The following MYSM1 variants were observed in gnomAD, a reference collection of about 807,000 sequenced individuals.
MYSM1 encodes deubiquitinase MYSM1.
Under a neutral mutation model 116.0 loss-of-function variants are expected in MYSM1, and 51 were observed. The observed-to-expected ratio is 0.44, with a 90% confidence interval of 0.35 to 0.56. The LOEUF is 0.56. MYSM1 is among the 20% of genes least tolerant of loss of function. The probability of loss-of-function intolerance (pLI) is 0.00; values close to 1 mark genes in which losing one functional copy is unlikely to be tolerated. For missense variants in MYSM1, 900 were observed against 974.9 expected (o/e 0.92, Z 1.02); for synonymous variants, 313 against 315.2 (o/e 0.99, Z 0.07).
At chr1:58,668,009 G>T (rs1644501466) in intron 14 of MYSM1, 88 bp from the exon 15 acceptor site, 1 of 897,526 alleles carries the variant, frequency 1.1e-6, no homozygotes, top group South Asian at 1.3e-5. Context: ...AAAGTCATTT[G>T]TAAGTATAGC....
At chr1:58,690,598 C>A (rs1443982234) in intron 3 of MYSM1, among the ~76,000 whole-genome samples, 181 bp from the exon 4 acceptor site, 1 of 152,092 alleles carries the variant, frequency 6.6e-6, no homozygotes, top group Non-Finnish European at 1.5e-5. Flanking sequence ...TGCCTGCAGG[C>A]TACATGTGGC....
intron 6 of MYSM1, among the ~76,000 whole-genome samples, chr1:58,688,419 A>G (rs1040502142): frequency 1.3e-5 from 2 of 150,586 alleles, no homozygotes; most frequent in Admixed American, 1.3e-4. Flanking sequence ...TAGTAAAAAA[A>G]TTAAAAAAAA....
intron 2 of MYSM1, among the ~76,000 whole-genome samples, chr1:58,693,326 T>C (rs980803282): frequency 2.0e-5 from 3 of 152,170 alleles, no homozygotes; most frequent in African/African-American, 7.2e-5. Flanking sequence ...ATCTCCATGA[T>C]CCTACTCATT....
At chr1:58,685,370 G>T in intron 6 of MYSM1, 119 bp from the exon 7 acceptor site, 1 of 639,992 alleles carries the variant, frequency 1.6e-6, no homozygotes. Flanking sequence ...ATTTTCTGAA[G>T]CACACAATAA....
chr1:58,673,425 T>C, intron 11 of MYSM1, 148 bp downstream of exon 11: 1 of 632,468 alleles, frequency 1.6e-6, no homozygotes, highest in Non-Finnish European at 2.7e-6. Context: ...CTTTGGTGTT[T>C]ACTGGTGACT....
In MYSM1 at chr1:58,692,945, G is replaced by A; in HGVS notation, c.148-14C>T. On this transcript the variant is annotated splice_polypyrimidine_tract_variant and intron_variant, in intron 2 of 19. Coordinates refer to ENST00000472487, the MANE Select transcript of MYSM1 (RefSeq NM_001085487.3). ...CAAGGTCCAAGGCTATTAAAAAAGA[G>A]AATATATTTGTCTTTTTATTTATTG... 1 of 1,572,264 alleles carries A rather than the reference G, an allele frequency of 6.4e-7. No homozygotes were observed. Among genetic ancestry groups the A allele is most frequent in the Non-Finnish European group, 8.6e-7 (1 of 1,158,406 alleles).
chr1:58,688,965 A>T, intron 6 of MYSM1, 73 bp downstream of exon 6: 1 of 1,348,542 alleles, frequency 7.4e-7, no homozygotes, highest in Non-Finnish European at 1.0e-6. Context: ...CTATAAATTA[A>T]TTTAACCTTA....
At chr1:58,662,539 G>A (rs866057258) in intron 17 of MYSM1, among the ~76,000 whole-genome samples, 2 of 150,116 alleles carry the variant, frequency 1.3e-5, no homozygotes, top group African/African-American at 4.9e-5. Context: ...GGCATTGGCA[G>A]GATTTGAACC....
At chr1:58,671,375 TC>T (rs1644558380) in intron 12 of MYSM1, among the ~76,000 whole-genome samples, 1 of 152,184 alleles carries the variant, frequency 6.6e-6, no homozygotes, top group Admixed American at 6.5e-5. Flanking sequence ...CTGGATATCT[TC>T]TTTTAAAAGG....
At chr1:58,684,565 AAAAAAAAAAAAAAAG>A (rs1483258828) in intron 7 of MYSM1, among the ~76,000 whole-genome samples, 2 of 134,812 alleles carry the variant, frequency 1.5e-5, no homozygotes, top group Non-Finnish European at 3.1e-5. Flanking sequence ...ACTCTGTCTC[AAAAAAAAAAAAAAAG>A]AAAAAAAAAA....
intron 2 of MYSM1, among the ~76,000 whole-genome samples, chr1:58,693,591 C>T (rs888515688): frequency 1.3e-5 from 2 of 152,176 alleles, no homozygotes; most frequent in Non-Finnish European, 2.9e-5. Flanking sequence ...CTTTCCTTTT[C>T]CTTTGATGCC....
chr1:58,669,293 C>A (rs1277768109), intron 12 of MYSM1, among the ~76,000 whole-genome samples: 2 of 151,790 alleles, frequency 1.3e-5, no homozygotes, highest in Non-Finnish European at 2.9e-5. Flanking sequence ...AAAGAGGACA[C>A]TATAAACTAT....
intron 17 of MYSM1, among the ~76,000 whole-genome samples, chr1:58,664,476 T>C (rs1285997188): frequency 2.0e-5 from 3 of 152,200 alleles, no homozygotes; most frequent in African/African-American, 4.8e-5. Context: ...GCATACAATT[T>C]ATTAGGACTT....
intron 12 of MYSM1, among the ~76,000 whole-genome samples, chr1:58,669,544 T>C (rs1314373474): frequency 2.0e-5 from 3 of 152,016 alleles, no homozygotes; most frequent in Non-Finnish European, 4.4e-5. Context: ...AGTGAAAAAG[T>C]GGCCAGGTGC....
rs916838239 is a variant in MYSM1 at position 58,658,234 on chromosome 1, A to G, written c.*1763T>C. 4.6e-5 allele frequency: 7 copies of G among 152,136 alleles called. No individual in the cohort carries two copies. Among genetic ancestry groups the G allele is most frequent in the African/African-American group, 1.2e-4 (5 of 41,432 alleles). The allele number at this position is 152,136 out of a possible 1,614,324, so 9.4% of individuals were successfully genotyped here. ...GAGCTCAGGTTTCCTGACTTTTGGT[A>G]TAGTTCCTCTTACACTCTCAGCCCT... is the stretch of plus-strand genomic sequence containing the variant. On this transcript the variant is annotated 3_prime_UTR_variant, in exon 20 of 20. Transcript: ENST00000472487.
chr1:58,690,087 C>A (rs1644881865), intron 5 of MYSM1, 139 bp downstream of exon 5: 2 of 672,548 alleles, frequency 3.0e-6, no homozygotes, highest in East Asian at 6.3e-5. Context: ...ACTCCAACAT[C>A]TTTATTAAAA....
At chr1:58,694,310 C>T (rs145281416) in intron 2 of MYSM1, among the ~76,000 whole-genome samples, 82 of 152,284 alleles carry the variant, frequency 5.4e-4, no homozygotes, top group African/African-American at 1.9e-3. Context: ...TGACTGGCAC[C>T]GAGTAAGTAC....
intron 6 of MYSM1, among the ~76,000 whole-genome samples, chr1:58,687,344 A>C (rs902709398): frequency 6.6e-6 from 1 of 152,200 alleles, no homozygotes; most frequent in Admixed American, 6.5e-5. Flanking sequence ...CCCCGGGCGA[A>C]GCGAACTGAA....
Position 58,670,572 on chromosome 1 carries a change from T to C in MYSM1, c.1661+1298A>G, listed in dbSNP as rs1043838122. On this transcript the variant is annotated intron_variant, in intron 12 of 19. Transcript: ENST00000472487. ...TAAGTAGACCTTATTGTAGACACTA[T>C]TGATAGGAATAATCTGTTAGAAACT... 2.0e-5 allele frequency among the ~76,000 whole-genome samples: 3 copies of C among 152,210 alleles called. No homozygotes were observed. The East Asian group carries it at 5.8e-4, about 29-fold the overall frequency.
Sources: allele counts gnomAD v4.1 joint callset (sites outside exome capture counted in the v4.1 genomes callset), GRCh38; gene constraint gnomAD v4.1.1; transcripts MANE v1.5; gene names NCBI Gene and HGNC (gene_info 2026-07-23, HGNC 2026-07-21).